Variants in CHFR observed in about 807,000 individuals in gnomAD.
CHFR encodes the protein checkpoint with forkhead and ring finger domains, also known as E3 ubiquitin-protein ligase CHFR.
CHFR carries 57 observed loss-of-function variants against 87.6 expected under a neutral mutation model. That is an observed-to-expected ratio of 0.65 (90% CI 0.53 to 0.81). The LOEUF (loss-of-function observed/expected upper bound fraction) is 0.81. Among genes scored for constraint, CHFR ranks in the 30% least tolerant of loss-of-function variants. The probability of loss-of-function intolerance (pLI) is 0.00; values close to 1 mark genes in which losing one functional copy is unlikely to be tolerated. For missense variants in CHFR, 797 were observed against 865.8 expected, an observed-to-expected ratio of 0.92 and a Z score of 1.00; for synonymous variants, 381 against 359.2, an observed-to-expected ratio of 1.06 and a Z score of -0.69.
At chr12:132,878,987 G>GA (rs988691430) in intron 2 of CHFR, among the ~76,000 whole-genome samples, 4 of 137,678 alleles carry the variant, frequency 2.9e-5, no homozygotes, top group African/African-American at 1.1e-4. Flanking sequence ...ATAGGCATTT[G>GA]TTTTTTTTTT....
chr12:132,873,949 C>A (rs151280652), intron 3 of CHFR, among the ~76,000 whole-genome samples: 1 of 152,210 alleles, frequency 6.6e-6, no homozygotes, highest in East Asian at 1.9e-4. Flanking sequence ...CCACACGCTC[C>A]GACCACACAG....
At chr12:132,874,279 C>T (rs1951563791) in intron 3 of CHFR, among the ~76,000 whole-genome samples, 1 of 152,286 alleles carries the variant, frequency 6.6e-6, no homozygotes, top group South Asian at 2.1e-4. Flanking sequence ...GGATGCCATG[C>T]CCTGAAGCAG....
At chr12:132,863,209 T>TAAA (rs749209980) in intron 6 of CHFR, among the ~76,000 whole-genome samples, 11 of 129,720 alleles carry the variant, frequency 8.5e-5, no homozygotes, top group Non-Finnish European at 1.7e-4. Context: ...CCTCATTTCT[T>TAAA]AAAAAAAAAA....
intron 12 of CHFR, among the ~76,000 whole-genome samples, chr12:132,850,266 TATA>T (rs143802556): frequency 0.15 from 22,984 of 152,142 alleles, 2,240 homozygotes; most frequent in South Asian, 0.22. Context: ...ATCCCTAAAA[TATA>T]ATGTTAGGTA....
Position 132,857,428 on chromosome 12 carries a change from T to C in CHFR, c.1043A>G (p.Glu348Gly). 6.2e-7 allele frequency: 1 copy of C among 1,614,136 alleles called. No homozygotes were observed. ...CKNHILNNLV[E>G]AYLIQHPDKS... ...GCCTGGATGCTGGATGAGGTATGCT[T>C]CCACGAGGTTGTTGAGGATGTGGTT... The change falls in exon 9 of 18, where the codon GAA (glutamate) becomes GGA (glycine). Residue 348 changes from glutamate (E) to glycine (G), a missense_variant. This residue lies in a region of CHFR where 597 missense variants were observed against 601.2 expected (regional missense o/e 0.99). Transcript: ENST00000450056.
Position 132,839,273 on chromosome 12 carries a change from C to A in CHFR, c.*2281G>T. 1 of 174,396 alleles carries A rather than the reference C, an allele frequency of 5.7e-6. No individual in the cohort carries two copies. Among genetic ancestry groups the A allele is most frequent in the Non-Finnish European group, 1.2e-5 (1 of 81,072 alleles). The allele number at this position is 174,396 out of a possible 1,614,324, so 10.8% of individuals were successfully genotyped here. On this transcript the variant is annotated 3_prime_UTR_variant, in exon 18 of 18. Coordinates refer to ENST00000450056, the MANE Select transcript of CHFR (RefSeq NM_001161346.2). ...ATTGGCGAATGCCAGCCTCCCCTCT[C>A]AGCCTCGCACCTGCACAAACTGGCA...
chr12:132,874,113 C>T (rs949433055), intron 3 of CHFR, among the ~76,000 whole-genome samples: 54 of 152,250 alleles, frequency 3.5e-4, no homozygotes, highest in Non-Finnish European at 6.2e-4. Flanking sequence ...GAAACCAGCC[C>T]TGTTCAGACC....
rs558156375 is a variant in CHFR at position 132,847,063 on chromosome 12, C to T, written c.1715G>A (p.Arg572Gln). The T allele has an allele frequency of 6.2e-6, 10 of 1,613,344 alleles. No individual in the cohort carries two copies. The highest frequency in any genetic ancestry group is 4.0e-5 in the African/African-American group (3 of 75,010). ...MLTESLVALQ[R>Q]GVFLLSDYRV... Reference sequence around the variant, plus strand: ...CTCACCAGACAGCAGAAACACTCCCCGCTGGAGAGCCACGAGGCTCTCGGT... The same window carrying T: ...CTCACCAGACAGCAGAAACACTCCCTGCTGGAGAGCCACGAGGCTCTCGGT... Residue 572 changes from arginine (R) to glutamine (Q), a missense_variant, in exon 15 of 18, where the codon CGG becomes CAG. Arg to Gln is a conservative substitution (Grantham distance 43, BLOSUM62 1). Coordinates refer to ENST00000450056, the MANE Select transcript of CHFR (RefSeq NM_001161346.2).
chr12:132,868,773 G>A (rs910189562), intron 6 of CHFR, among the ~76,000 whole-genome samples: 3 of 151,298 alleles, frequency 2.0e-5, no homozygotes, highest in African/African-American at 4.9e-5. Context: ...GCTGCCAGGG[G>A]CTGGGGGGAG....
intron 12 of CHFR, among the ~76,000 whole-genome samples, chr12:132,850,879 TAGAC>T (rs905876705): frequency 4.3e-4 from 65 of 151,060 alleles, no homozygotes; most frequent in South Asian, 2.1e-4. Context: ...GCAAAGGACA[TAGAC>T]AGACATTTCT....
Position 132,872,284 on chromosome 12 carries a change from C to G in CHFR, c.343+1G>C. 2 of 1,600,058 alleles carry G rather than the reference C, an allele frequency of 1.2e-6. No homozygotes were observed. Among genetic ancestry groups the G allele is most frequent in the Non-Finnish European group, 1.7e-6 (2 of 1,167,164 alleles). ...CCCCGGCAAGCCTTCCTCTCTCTTA[C>G]TGTGTTCCGGTTCATTCTTCCTGTA... is the stretch of plus-strand genomic sequence containing the variant. On this transcript the variant is annotated splice_donor_variant, in intron 4 of 17. Transcript: ENST00000450056. LOFTEE classifies it high-confidence loss of function.
intron 3 of CHFR, among the ~76,000 whole-genome samples, chr12:132,874,174 T>G (rs939690871): frequency 1.3e-5 from 2 of 152,258 alleles, no homozygotes; most frequent in African/African-American, 4.8e-5. Context: ...TCCATAACTA[T>G]AGTAAGACAG....
chr12:132,844,770 A>G (rs1950781850), intron 15 of CHFR, among the ~76,000 whole-genome samples: 1 of 152,140 alleles, frequency 6.6e-6, no homozygotes, highest in African/African-American at 2.4e-5. Context: ...AGCTGGGACT[A>G]CAGGTGTGTG....
intron 7 of CHFR, 82 bp downstream of exon 7, chr12:132,861,385 C>A: frequency 7.0e-7 from 1 of 1,431,424 alleles, no homozygotes; most frequent in Non-Finnish European, 9.7e-7. Flanking sequence ...AGCAATGCCC[C>A]ACAGCACGGA....
At chr12:132,843,449 TTAAAAAA>T (rs1159626744) in intron 16 of CHFR, among the ~76,000 whole-genome samples, 2 of 151,592 alleles carry the variant, frequency 1.3e-5, no homozygotes, top group African/African-American at 4.9e-5. Context: ...TAAATAAAAA[TTAAAAAA>T]TAAAAACCCA....
chr12:132,840,567 A>G lies in CHFR; in HGVS notation c.*987T>C, dbSNP rs1950688886. The G allele has an allele frequency of 6.6e-6, 1 of 152,656 alleles. No homozygotes were observed. Among genetic ancestry groups the G allele is most frequent in the Admixed American group, 6.5e-5 (1 of 15,286 alleles). The allele number at this position is 152,656 out of a possible 1,614,324, so 9.5% of individuals were successfully genotyped here. ...TTTTTTTCCAAAAATCAAAATTTCA[A>G]GTATTATTCCAGATGACATGGCAAA... is the stretch of plus-strand genomic sequence containing the variant. On this transcript the variant is annotated 3_prime_UTR_variant, in exon 18 of 18. Coordinates refer to ENST00000450056, the MANE Select transcript of CHFR (RefSeq NM_001161346.2).
Position 132,853,476 on chromosome 12 carries a change from G to C in CHFR, c.1327C>G (p.Gln443Glu). The change falls in exon 11 of 18, where the codon CAG becomes GAG. Residue 443 changes from glutamine to glutamate, a missense_variant. Physicochemically the swap from Gln to Glu is conservative, Grantham distance 29. Around this residue, in one of 2 missense-constraint regions of CHFR, gnomAD observed 597 missense variants for 601.2 expected, o/e 0.99. Coordinates refer to ENST00000450056, the MANE Select transcript of CHFR (RefSeq NM_001161346.2). Reference sequence around the variant, plus strand: ...GTGGAGGGTGCATCCCCCAGGGCCTGTGGGGCTCCTGGCTCGCCCTCGGGT... The same window carrying C: ...GTGGAGGGTGCATCCCCCAGGGCCTCTGGGGCTCCTGGCTCGCCCTCGGGT... The part of the protein sequence containing the change: ...PAPEGEPGAP[Q>E]ALGDAPSTSV... 1 of 1,545,906 alleles carries C rather than the reference G, an allele frequency of 6.5e-7. No individual in the cohort carries two copies. The highest frequency in any genetic ancestry group is 8.7e-7 in the Non-Finnish European group (1 of 1,153,340).
chr12:132,882,952 T>C (rs1468421197), intron 2 of CHFR: 5 of 152,186 alleles, frequency 3.3e-5, no homozygotes, highest in Non-Finnish European at 7.3e-5. Flanking sequence ...TCCTCCTGTT[T>C]TGGCCTCCCA....
rs1316045850 is a variant in CHFR, at chr12:132,866,441, CGTTACAACACACCGGGAAT to C, written c.583+3159_583+3177del. 7.2e-5 allele frequency: 11 copies of C among 151,844 alleles called. No homozygotes were observed. In the South Asian group the frequency reaches 1.7e-3, roughly 23 times the overall value. 9.4% of individuals were successfully genotyped at this position (151,844 alleles called of 1,614,324 possible). A position where few individuals can be genotyped will look rare whatever the true frequency, so the allele number is the denominator to read the frequency against. On this transcript the variant is annotated intron_variant, in intron 6 of 17. Coordinates refer to ENST00000450056, the MANE Select transcript of CHFR (RefSeq NM_001161346.2). ...CGGAATGTTACAACACACCCTGGAA[CGTTACAACACACCGGGAAT>C]GTTACAACACACCAGAATGTTACAA...
Sources: allele counts gnomAD v4.1 joint callset (sites outside exome capture counted in the v4.1 genomes callset), GRCh38; gene constraint gnomAD v4.1.1; regional missense constraint gnomAD v4.1.1; transcripts MANE v1.5; gene names NCBI Gene and HGNC (gene_info 2026-07-23, HGNC 2026-07-21).